The following SFI1 variants were observed in gnomAD, a reference collection of about 807,000 sequenced individuals.
The protein encoded by SFI1 is SFI1 centrin binding protein, also known as protein SFI1 homolog.
In SFI1, 195 loss-of-function variants were observed where a neutral mutation model predicts 207.5. The ratio of observed to expected loss-of-function variants is 0.94; its 90% CI spans 0.84 to 1.06. The LOEUF (loss-of-function observed/expected upper bound fraction) is 1.06, where lower values mean the gene tolerates loss of function less well. Ranked by LOEUF, SFI1 falls within the 50% of genes least tolerant of loss-of-function variation. The pLI, the probability that SFI1 is intolerant of heterozygous loss-of-function variation, is 0.00. For missense variants in SFI1, 1,634 were observed against 1,588.0 expected, an observed-to-expected ratio of 1.03 and a Z score of -0.49; for synonymous variants, 630 against 598.9, an observed-to-expected ratio of 1.05 and a Z score of -0.76.
rs373345630 is a variant in SFI1, at chr22:31,614,825, C to T, written c.3033C>T (p.Arg1011=). Residue 1011 remains arginine, a synonymous_variant, in exon 28 of 33, where the codon CGC becomes CGT. Transcript: ENST00000400288. ...ACTCAGCGAGGAAGCAGCCGCGACG[C>T]CCACACTTCCTGTTGGAGCCTGCGC... ...TAHSARKQPR[R]PHFLLEPAQS... 2 of 1,613,786 alleles carry T rather than the reference C, an allele frequency of 1.2e-6. No individual in the cohort carries two copies. Among genetic ancestry groups the T allele is most frequent in the Non-Finnish European group, 1.7e-6 (2 of 1,180,038 alleles).
At chr22:31,524,766 CAGAT>C (rs2057711296) in intron 2 of SFI1, among the ~76,000 whole-genome samples, 1 of 148,664 alleles carries the variant, frequency 6.7e-6, no homozygotes, top group East Asian at 2.0e-4. Context: ...AATCCTCTGT[CAGAT>C]AGTTTGCACA....
At chr22:31,518,058 C>A (rs1392618381) in intron 2 of SFI1, among the ~76,000 whole-genome samples, 3 of 152,158 alleles carry the variant, frequency 2.0e-5, no homozygotes, top group Non-Finnish European at 2.9e-5. Flanking sequence ...ACAATCTTGG[C>A]GCACTGCAAT....
intron 15 of SFI1, among the ~76,000 whole-genome samples, chr22:31,600,911 T>G (rs2067994104): frequency 6.6e-6 from 1 of 152,248 alleles, no homozygotes; most frequent in Admixed American, 6.5e-5. Context: ...GTGGAATCTT[T>G]GCTTTAAGTG....
rs1334303410 is a variant in SFI1, at chr22:31,508,407, A to G, written c.92+31A>G. The G allele has an allele frequency of 2.1e-6, 3 of 1,428,188 alleles. No individual in the cohort carries two copies. The African/African-American group carries it at 4.2e-5, about 20-fold the overall frequency. 88.5% of individuals were successfully genotyped at this position (1,428,188 alleles called of 1,614,324 possible). A position where few individuals can be genotyped will look rare whatever the true frequency, so the allele number is the denominator to read the frequency against. On this transcript the variant is annotated intron_variant, in intron 2 of 32. Coordinates refer to ENST00000400288, the MANE Select transcript of SFI1 (RefSeq NM_001007467.3). ...TGATGGGACTTGAGAAAAAAATATAACTGGAATGATGGTTCATATAAAACT... is the reference window on the plus strand; with the variant it reads ...TGATGGGACTTGAGAAAAAAATATAGCTGGAATGATGGTTCATATAAAACT...
chr22:31,573,233 G>C lies in SFI1; in HGVS notation c.922+19G>C. 1 of 1,612,086 alleles carries C rather than the reference G, an allele frequency of 6.2e-7. No individual in the cohort carries two copies. Among genetic ancestry groups the C allele is most frequent in the East Asian group, 2.2e-5 (1 of 44,862 alleles). Reference sequence around the variant, plus strand: ...CAGAATGGTGAGTAGGAAGCTCCAGGCTCTCGAGATAGAGGATCTGGTCAC... The same window carrying C: ...CAGAATGGTGAGTAGGAAGCTCCAGCCTCTCGAGATAGAGGATCTGGTCAC... On this transcript the variant is annotated intron_variant, in intron 9 of 32. Transcript: ENST00000400288.
chr22:31,614,806 C>T lies in SFI1; in HGVS notation c.3014C>T (p.Ala1005Val), dbSNP rs764292817. The change falls in exon 28 of 33, where the codon GCG (alanine) becomes GTG (valine). Residue 1005 changes from alanine (A) to valine (V), a missense_variant. Physicochemically the swap from Ala to Val is moderately conservative, Grantham distance 64. Transcript: ENST00000400288. ...CTTTCCAGCAACACTGCCCACTCAG[C>T]GAGGAAGCAGCCGCGACGCCCACAC... ...HALELNTAHS[A>V]RKQPRRPHFL... The T allele has an allele frequency of 7.4e-6, 12 of 1,613,744 alleles. No individual in the cohort carries two copies. In the East Asian group the frequency reaches 1.6e-4, roughly 21 times the overall value.
intron 8 of SFI1, among the ~76,000 whole-genome samples, chr22:31,568,226 A>ATTTTT (rs373038766): frequency 2.7e-5 from 3 of 111,956 alleles, no homozygotes; most frequent in African/African-American, 9.6e-5. Flanking sequence ...ATATATATAT[A>ATTTTT]TTTTTTTTTT....
chr22:31,560,603 A>G (rs1004938776), intron 7 of SFI1, among the ~76,000 whole-genome samples: 8 of 151,592 alleles, frequency 5.3e-5, no homozygotes, highest in Admixed American at 5.3e-4. Context: ...GGGTTTCACC[A>G]TGATGGCCAA....
At chr22:31,592,720 G>C (rs1429303185) in intron 15 of SFI1, among the ~76,000 whole-genome samples, 22 of 95,920 alleles carry the variant, frequency 2.3e-4, no homozygotes, top group Admixed American at 1.9e-3. Flanking sequence ...GCGGCTGGTT[G>C]GGCAGAGGGG....
intron 14 of SFI1, chr22:31,587,305 G>GTTTTTT (rs751666932): frequency 1.5e-5 from 6 of 397,034 alleles, no homozygotes; most frequent in Non-Finnish European, 2.6e-5. Context: ...CAATTTATTT[G>GTTTTTT]TTTTGTTTTG....
At chr22:31,576,291 C>T (rs2063494603) in intron 10 of SFI1, among the ~76,000 whole-genome samples, 1 of 150,472 alleles carries the variant, frequency 6.6e-6, no homozygotes, top group African/African-American at 2.5e-5. Context: ...TCCCGAAGTG[C>T]TGGGATTACA....
intron 8 of SFI1, among the ~76,000 whole-genome samples, chr22:31,564,155 G>A (rs1208532825): frequency 2.0e-5 from 3 of 151,022 alleles, no homozygotes; most frequent in African/African-American, 7.3e-5. Context: ...GTGAAACCCC[G>A]TCTCTACTAA....
intron 11 of SFI1, among the ~76,000 whole-genome samples, chr22:31,579,015 C>T (rs997132136): frequency 5.3e-5 from 8 of 152,114 alleles, no homozygotes; most frequent in African/African-American, 1.2e-4. Flanking sequence ...TTTAGAGATG[C>T]GGTCTCACTA....
chr22:31,614,580 G>A (rs1309168067), intron 27 of SFI1: 9 of 702,594 alleles, frequency 1.3e-5, no homozygotes, highest in Non-Finnish European at 2.3e-5. Flanking sequence ...AAGAGACAAT[G>A]TGGGTGAAGC....
At chr22:31,562,644 G>T (rs75957629) in intron 8 of SFI1, among the ~76,000 whole-genome samples, 111 of 148,796 alleles carry the variant, frequency 7.5e-4, no homozygotes, top group African/African-American at 1.8e-3. Flanking sequence ...ATTTTTTTTT[G>T]ATTTTTTGAG....
intron 4 of SFI1, among the ~76,000 whole-genome samples, chr22:31,546,331 C>G (rs2060077917): frequency 6.6e-6 from 1 of 151,742 alleles, no homozygotes; most frequent in Admixed American, 6.6e-5. Flanking sequence ...TTGGTGTTTA[C>G]TTTTTCTTTT....
intron 10 of SFI1, among the ~76,000 whole-genome samples, chr22:31,577,390 C>G (rs1367140390): frequency 6.6e-6 from 1 of 152,162 alleles, no homozygotes; most frequent in African/African-American, 2.4e-5. Context: ...GCAGGAACCT[C>G]TGGAGGTTTT....
At chr22:31,525,763 T>TAGAC (rs1359199192) in intron 2 of SFI1, among the ~76,000 whole-genome samples, 1 of 113,942 alleles carries the variant, frequency 8.8e-6, no homozygotes, top group East Asian at 2.7e-4. Context: ...GATAGATAGA[T>TAGAC]AGATAAAGTA....
intron 5 of SFI1, among the ~76,000 whole-genome samples, chr22:31,549,604 G>A (rs534468554): frequency 1.6e-4 from 24 of 151,698 alleles, no homozygotes; most frequent in Non-Finnish European, 2.8e-4. Flanking sequence ...ACCTCAGGTG[G>A]TCTGCCTGCC....
Sources: allele counts gnomAD v4.1 joint callset (sites outside exome capture counted in the v4.1 genomes callset), GRCh38; gene constraint gnomAD v4.1.1; transcripts MANE v1.5; gene names NCBI Gene and HGNC (gene_info 2026-07-23, HGNC 2026-07-21).